The following ASNS variants were observed in gnomAD, a reference collection of about 807,000 sequenced individuals.
ASNS encodes the protein asparagine synthetase (glutamine-hydrolyzing).
Under a neutral mutation model 62.6 loss-of-function variants are expected in ASNS, and 37 were observed. The observed-to-expected ratio is 0.59, with a 90% CI of 0.45 to 0.78. The LOEUF (loss-of-function observed/expected upper bound fraction) is 0.78. Ranked by LOEUF, ASNS falls within the 30% of genes least tolerant of loss-of-function variation. The pLI, the probability that ASNS is intolerant of heterozygous loss-of-function variation, is 0.00. For synonymous variants in ASNS, 207 were observed against 237.9 expected (o/e 0.87, Z 1.19); for missense variants, 520 against 682.4 (o/e 0.76, Z 2.65).
chr7:97,885,717 A>C, the ASNS span, among the ~76,000 whole-genome samples: 2 of 152,280 alleles, frequency 1.3e-5, no homozygotes, highest in Admixed American at 6.5e-5. Flanking sequence ...AGTGAACGTA[A>C]TTGGAATAAT....
At chr7:97,893,367 C>T in the ASNS span, among the ~76,000 whole-genome samples, 1 of 152,250 alleles carries the variant, frequency 6.6e-6, no homozygotes, top group Non-Finnish European at 1.5e-5. Context: ...AACAAAATGA[C>T]AGGAATAAGT....
the ASNS span, among the ~76,000 whole-genome samples, chr7:97,882,695 G>A: frequency 2.6e-5 from 4 of 151,944 alleles, no homozygotes; most frequent in Admixed American, 1.3e-4. Context: ...ACTTCCCTCC[G>A]CCAAGCAGGG....
chr7:97,871,640 CA>C (rs1313301231), intron 1 of ASNS: 3 of 152,388 alleles, frequency 2.0e-5, no homozygotes, highest in Non-Finnish European at 2.9e-5. Flanking sequence ...GCCAGCCCTG[CA>C]AAATGACAGC....
chr7:97,923,804 C>T, the ASNS span, among the ~76,000 whole-genome samples: 4 of 152,276 alleles, frequency 2.6e-5, no homozygotes, highest in African/African-American at 4.8e-5. Context: ...CTGATAGGTC[C>T]GTCAGTCCTT....
rs1392536293 is a variant in ASNS at position 97,854,536 on chromosome 7, G to T, written c.1238+44C>A. ...AGCTTTTTGTTTTGTTTTGTTTTTG[G>T]TGTTTTTTTGTTTTTGTTTTACAAT... On this transcript the variant is annotated intron_variant, in intron 10 of 12. Transcript: ENST00000394308. 8 of 1,586,116 alleles carry T rather than the reference G, an allele frequency of 5.0e-6. No homozygotes were observed. In the South Asian group the frequency reaches 9.4e-5, roughly 19 times the overall value.
chr7:97,853,192 CAGG>C lies in ASNS; in HGVS notation c.1341_1343del (p.Leu448del). 1 of 1,608,012 alleles carries C rather than the reference CAGG, an allele frequency of 6.2e-7. No individual in the cohort carries two copies. Among genetic ancestry groups the C allele is most frequent in the African/African-American group, 1.3e-5 (1 of 74,612 alleles). On this transcript the variant is annotated inframe_deletion, in exon 12 of 13. Coordinates refer to ENST00000394308, the MANE Select transcript of ASNS (RefSeq NM_001673.5). ...GATTGGAATCCTCAAACGTCTCTCTCAGGAGATGTTTTTCTATCCCATTCTGAC... is the reference window on the plus strand; with the variant it reads ...GATTGGAATCCTCAAACGTCTCTCTCAGATGTTTTTCTATCCCATTCTGAC...
chr7:97,897,819 C>G, the ASNS span, among the ~76,000 whole-genome samples: 6 of 152,124 alleles, frequency 3.9e-5, no homozygotes, highest in Admixed American at 3.9e-4. Context: ...TTTACTGCAG[C>G]ACTATTTACA....
chr7:97,870,987 G>T (rs557508463), intron 1 of ASNS, among the ~76,000 whole-genome samples: 6 of 152,070 alleles, frequency 3.9e-5, no homozygotes, highest in Admixed American at 3.9e-4. Flanking sequence ...TCCTACTGCC[G>T]CTACCTGTTC....
rs1791584426 is a variant in ASNS at position 97,858,917 on chromosome 7, G to T, written c.712C>A (p.Leu238Ile). 1 of 1,613,372 alleles carries T rather than the reference G, an allele frequency of 6.2e-7. No homozygotes were observed. Among genetic ancestry groups the T allele is most frequent in the Non-Finnish European group, 8.5e-7 (1 of 1,179,834 alleles). The change falls in exon 6 of 13, where the codon CTT (leucine) becomes ATT (isoleucine). Residue 238 changes from leucine to isoleucine, a missense_variant. By Grantham distance (5) the Leu-to-Ile change is conservative (BLOSUM62 2). Transcript: ENST00000394308. ...CGTTTCTTTACAGCATTATTAAAAA[G>T]GATCCTGAGGTTGTTCTTCACAGTT... ...IETVKNNLRI[L>I]FNNAVKKRLM...
chr7:97,915,295 A>G, the ASNS span, among the ~76,000 whole-genome samples: 1 of 152,236 alleles, frequency 6.6e-6, no homozygotes, highest in Non-Finnish European at 1.5e-5. Flanking sequence ...TGAAGTGGTT[A>G]AGAGTGTGCA....
Position 97,853,107 on chromosome 7 carries a change from C to G in ASNS, c.1429G>C (p.Val477Leu). ...AAAATCTTAAACCAGGAATTCTTAACTGAAGTTATTCCATCACTGAAGGCT... is the reference window on the plus strand; with the variant it reads ...AAAATCTTAAACCAGGAATTCTTAAGTGAAGTTATTCCATCACTGAAGGCT... The part of the protein sequence containing the change: ...KEAFSDGITS[V>L]KNSWFKILQE... The change falls in exon 12 of 13, where the codon GTT (valine) becomes CTT (leucine). Residue 477 changes from valine to leucine, a missense_variant. Coordinates refer to ENST00000394308, the MANE Select transcript of ASNS (RefSeq NM_001673.5). 6.2e-7 allele frequency: 1 copy of G among 1,602,864 alleles called. No individual in the cohort carries two copies. The highest frequency in any genetic ancestry group is 1.7e-4 in the Middle Eastern group (1 of 5,994).
rs552452349 is a variant in ASNS at position 97,852,296 on chromosome 7, C to T, written c.1649G>A (p.Arg550His). 10 of 1,614,098 alleles carry T rather than the reference C, an allele frequency of 6.2e-6. No individual in the cohort carries two copies. The highest frequency in any genetic ancestry group is 4.0e-5 in the African/African-American group (3 of 75,020). The change falls in exon 13 of 13, where the codon CGC (arginine) becomes CAC (histidine). Residue 550 changes from arginine (R) to histidine (H), a missense_variant. Arg to His is a conservative substitution (Grantham distance 29). Coordinates refer to ENST00000394308, the MANE Select transcript of ASNS (RefSeq NM_001673.5). ...KWINATDPSARTLTHYKSAVK... is the reference protein window; with the variant it reads ...KWINATDPSAHTLTHYKSAVK... ...AGCTGACTTGTAGTGGGTCAGCGTG[C>T]GGGCAGAAGGGTCAGTGGCATTGAT...
the ASNS span, among the ~76,000 whole-genome samples, chr7:97,886,606 G>A: frequency 6.6e-6 from 1 of 151,856 alleles, no homozygotes; most frequent in Non-Finnish European, 1.5e-5. Context: ...GTTTTCATTT[G>A]TATAGGGAAA....
At chr7:97,927,923 G>A in the ASNS span, among the ~76,000 whole-genome samples, 1 of 152,256 alleles carries the variant, frequency 6.6e-6, no homozygotes, top group African/African-American at 2.4e-5. Flanking sequence ...AGCCCACGGC[G>A]AGGAGGGCTG....
At chr7:97,916,920 G>A in the ASNS span, among the ~76,000 whole-genome samples, 2 of 152,194 alleles carry the variant, frequency 1.3e-5, no homozygotes, top group Admixed American at 1.3e-4. Context: ...GGAGCACACA[G>A]GTGCTGGACA....
At chr7:97,911,774 G>C in the ASNS span, among the ~76,000 whole-genome samples, 1 of 152,074 alleles carries the variant, frequency 6.6e-6, no homozygotes, top group African/African-American at 2.4e-5. Flanking sequence ...AATAAGGAGG[G>C]AGGGAAGCGT....
In ASNS at chr7:97,872,340, A is replaced by C. The variant is rs995328313; in HGVS notation, c.-60+11T>G. 3 of 125,272 alleles carry C rather than the reference A, an allele frequency of 2.4e-5. No individual in the cohort carries two copies. Among genetic ancestry groups the C allele is most frequent in the Non-Finnish European group, 4.9e-5 (3 of 60,994 alleles). 7.8% of individuals were successfully genotyped at this position (125,272 alleles called of 1,614,324 possible). On this transcript the variant is annotated intron_variant, in intron 1 of 12. Transcript: ENST00000394308. ...CGGGGCGCAGGGCACGGGGCGCAGG[A>C]CCCGGCTCACCTGGGCGTAAGCAGG...
At chr7:97,872,221 C>G (rs1314962435) in intron 1 of ASNS, 130 bp downstream of exon 1, 4 of 151,854 alleles carry the variant, frequency 2.6e-5, no homozygotes, top group South Asian at 2.1e-4. Flanking sequence ...AGCAGGCGCC[C>G]GCGAACCGCG....
At chr7:97,909,294 C>CTTTTTTTTTTTTTTTTTT in the ASNS span, among the ~76,000 whole-genome samples, 1 of 72,620 alleles carries the variant, frequency 1.4e-5, no homozygotes, top group Non-Finnish European at 2.5e-5. Flanking sequence ...CTCACATACA[C>CTTTTTTTTTTTTTTTTTT]TTTTTTTTTT....
Sources: gnomAD v4.1 joint callset for allele counts (sites outside exome capture counted in the v4.1 genomes callset) on GRCh38, gnomAD v4.1.1 for gene constraint, MANE v1.5 for transcripts, NCBI Gene and HGNC (gene_info 2026-07-23, HGNC 2026-07-21) for gene names.